SDK2: variants seen among roughly 807,000 people sequenced by gnomAD.
SDK2 encodes protein sidekick-2.
In SDK2, 105 loss-of-function variants were observed where a neutral mutation model predicts 253.9. The observed-to-expected ratio is 0.41, with a 90% confidence interval of 0.35 to 0.49. The LOEUF is 0.49. SDK2 is among the 20% of genes least tolerant of loss of function. The pLI, the probability that SDK2 is intolerant of heterozygous loss-of-function variation, is 0.06. For missense variants in SDK2, 2,608 were observed against 3,003.0 expected (o/e 0.87, Z 3.07); for synonymous variants, 1,249 against 1,234.9 (o/e 1.01, Z -0.24).
intron 33 of SDK2, among the ~76,000 whole-genome samples, chr17:73,381,335 C>G (rs1243813901): frequency 3.3e-5 from 5 of 151,466 alleles, no homozygotes; most frequent in Non-Finnish European, 5.9e-5. Context: ...TCATATGAAC[C>G]AGAAACAATT....
chr17:73,399,128 C>T lies in SDK2; in HGVS notation c.3093+40G>A, dbSNP rs554883042. ...TTTTGCACTCAAGGGCACGGGGTGC[C>T]CTGGCGGGGGCTGCTGGTCAGGCCC... On this transcript the variant is annotated intron_variant, in intron 22 of 44. Coordinates refer to ENST00000392650, the MANE Select transcript of SDK2 (RefSeq NM_001144952.2). The T allele has an allele frequency of 2.5e-6, 4 of 1,607,846 alleles. No individual in the cohort carries two copies. The South Asian group carries it at 3.3e-5, about 13-fold the overall frequency.
chr17:73,604,136 C>T (rs973475946), intron 1 of SDK2, among the ~76,000 whole-genome samples: 2 of 152,192 alleles, frequency 1.3e-5, no homozygotes, highest in East Asian at 1.9e-4. Context: ...ATTTCCAGGG[C>T]GAGGCTAGGA....
intron 18 of SDK2, among the ~76,000 whole-genome samples, chr17:73,408,724 G>C (rs771858061): frequency 1.1e-4 from 17 of 152,120 alleles, no homozygotes; most frequent in Non-Finnish European, 2.1e-4. Flanking sequence ...GAAAGAGAAA[G>C]GGAGAGAGAA....
chr17:73,527,486 C>G (rs1474616215), intron 1 of SDK2, among the ~76,000 whole-genome samples: 1 of 152,114 alleles, frequency 6.6e-6, no homozygotes, highest in Admixed American at 6.6e-5. Context: ...TGGCTCAGAA[C>G]TGGAGGGGGA....
At chr17:73,597,952 T>A (rs959600090) in intron 1 of SDK2, among the ~76,000 whole-genome samples, 1 of 152,204 alleles carries the variant, frequency 6.6e-6, no homozygotes, top group Admixed American at 6.5e-5. Context: ...GCCTATTTCA[T>A]TTTTATGATA....
In SDK2 at chr17:73,395,055, G is replaced by T; in HGVS notation, c.3592+100C>A. 3.3e-6 allele frequency: 3 copies of T among 905,266 alleles called. No individual in the cohort carries two copies. Among genetic ancestry groups the T allele is most frequent in the South Asian group, 1.6e-5 (1 of 60,632 alleles). The allele number at this position is 905,266 out of a possible 1,614,324, so 56.1% of individuals were successfully genotyped here. ...GAGGAAATGAGCTCAGGCTGTTTTTGAACAACACCTTCAGCCTGGCACGCG... is the reference window on the plus strand; with the variant it reads ...GAGGAAATGAGCTCAGGCTGTTTTTTAACAACACCTTCAGCCTGGCACGCG... On this transcript the variant is annotated intron_variant, in intron 25 of 44. Transcript: ENST00000392650. This position sits in a 1 kb window ranked among gnomAD's most constrained non-coding sequence, Gnocchi z 4.3.
chr17:73,395,399 CG>C lies in SDK2; in HGVS notation c.3355-8del. Reference sequence around the variant, plus strand: ...ATTCCATCTCCGGGAGAGGCTGCAGCGGGGCAGGGGTGGCAAAGCTGCTATG... The same window carrying C: ...ATTCCATCTCCGGGAGAGGCTGCAGCGGGCAGGGGTGGCAAAGCTGCTATG... On this transcript the variant is annotated splice_region_variant and splice_polypyrimidine_tract_variant and intron_variant, in intron 24 of 44. Transcript: ENST00000392650. This position sits in a 1 kb window ranked among gnomAD's most constrained non-coding sequence, Gnocchi z 4.3. 3.1e-6 allele frequency: 5 copies of C among 1,611,792 alleles called. No homozygotes were observed. Among genetic ancestry groups the C allele is most frequent in the East Asian group, 2.2e-5 (1 of 44,858 alleles).
intron 1 of SDK2, among the ~76,000 whole-genome samples, chr17:73,599,495 A>C (rs1228983541): frequency 1.3e-5 from 2 of 151,918 alleles, no homozygotes; most frequent in Non-Finnish European, 2.9e-5. Context: ...AGATAGCGGC[A>C]CTGCACTCCA....
intron 2 of SDK2, among the ~76,000 whole-genome samples, chr17:73,487,468 G>A (rs2063776728): frequency 6.6e-6 from 1 of 152,222 alleles, no homozygotes; most frequent in Admixed American, 6.5e-5. Context: ...GGTTCAGCCA[G>A]CAGGCAACTG....
intron 12 of SDK2, among the ~76,000 whole-genome samples, chr17:73,425,494 G>A (rs1182243342): frequency 5.3e-5 from 8 of 152,058 alleles, no homozygotes; most frequent in Admixed American, 4.6e-4. Context: ...GTGATCTTGG[G>A]TGAGCTAATT....
chr17:73,572,698 C>A (rs921065395), intron 1 of SDK2, among the ~76,000 whole-genome samples: 2 of 152,172 alleles, frequency 1.3e-5, no homozygotes, highest in African/African-American at 2.4e-5. Flanking sequence ...GACTGACTGA[C>A]TGAATGAATG....
rs2064194458 is a variant in SDK2, at chr17:73,534,094, C to A, written c.65-26497G>T. 6.6e-6 allele frequency among the ~76,000 whole-genome samples: 1 copy of A among 152,178 alleles called. No homozygotes were observed. Among genetic ancestry groups the A allele is most frequent in the African/African-American group, 2.4e-5 (1 of 41,446 alleles). ...CCCGCCTCCTCCCCTCCTCTTCCTCCTCCTCCTTCCCACTCTCCTTCCAAT... is the reference window on the plus strand; with the variant it reads ...CCCGCCTCCTCCCCTCCTCTTCCTCATCCTCCTTCCCACTCTCCTTCCAAT... On this transcript the variant is annotated intron_variant, in intron 1 of 44. Coordinates refer to ENST00000392650, the MANE Select transcript of SDK2 (RefSeq NM_001144952.2). The surrounding 1 kb of genome is among the most constrained non-coding windows in gnomAD (Gnocchi z 4.9).
chr17:73,440,567 T>C (rs1300365410), intron 6 of SDK2, among the ~76,000 whole-genome samples: 1 of 152,198 alleles, frequency 6.6e-6, no homozygotes, highest in African/African-American at 2.4e-5. Context: ...CGTCCCAGGC[T>C]GACGTCCCCT....
chr17:73,527,266 T>C (rs1015781529), intron 1 of SDK2, among the ~76,000 whole-genome samples: 2 of 152,156 alleles, frequency 1.3e-5, no homozygotes, highest in Admixed American at 1.3e-4. Flanking sequence ...TTGGAGCTCA[T>C]GGAGCTTAGC....
rs770032791 is a variant in SDK2 at position 73,355,174 on chromosome 17, ATTTTT to A, written c.5594-2542_5594-2538del. ...CCTACACCTCCATATATATATATATATTTTTTTTTTTTTTTTTTTTTAGACGGAGT... is the reference window on the plus strand; with the variant it reads ...CCTACACCTCCATATATATATATATATTTTTTTTTTTTTTTTAGACGGAGT... On this transcript the variant is annotated intron_variant, in intron 40 of 44. Transcript: ENST00000392650. 3.4e-3 allele frequency among the ~76,000 whole-genome samples: 161 copies of A among 47,240 alleles called. 7 individuals carry two copies. Among genetic ancestry groups the A allele is most frequent in the Admixed American group, 5.7e-3 (31 of 5,442 alleles). The allele number at this position is 47,240 out of a possible 152,430, so 31.0% of individuals were successfully genotyped here.
At position 73,338,253 on chromosome 17, in the gene SDK2, T is replaced by A; in HGVS notation, c.*334A>T. On this transcript the variant is annotated 3_prime_UTR_variant, in exon 45 of 45. Transcript: ENST00000392650. This position sits in a 1 kb window ranked among gnomAD's most constrained non-coding sequence, Gnocchi z 5.0. Reference sequence around the variant, plus strand: ...ACGCCTGCCTGGCGGCCTCCAGTCCTTAGCCTCCGCTCCCTCTCTCTCTCC... The same window carrying A: ...ACGCCTGCCTGGCGGCCTCCAGTCCATAGCCTCCGCTCCCTCTCTCTCTCC... The A allele has an allele frequency of 2.1e-6, 1 of 466,310 alleles. No homozygotes were observed. The allele number at this position is 466,310 out of a possible 1,614,324, so 28.9% of individuals were successfully genotyped here. A position where few individuals can be genotyped will look rare whatever the true frequency, so the allele number is the denominator to read the frequency against.
Position 73,534,431 on chromosome 17 carries a change from G to T in SDK2, c.65-26834C>A, listed in dbSNP as rs562439344. Among the ~76,000 whole-genome samples the T allele has an allele frequency of 6.6e-6, 1 of 152,282 alleles. No homozygotes were observed. Among genetic ancestry groups the T allele is most frequent in the Non-Finnish European group, 1.5e-5 (1 of 68,040 alleles). ...AGTGCTAAAGAGACGATTGCCGACA[G>T]ATGCCTGACCTCTGAGAGGCCTGGG... On this transcript the variant is annotated intron_variant, in intron 1 of 44. Transcript: ENST00000392650. The surrounding 1 kb of genome is among the most constrained non-coding windows in gnomAD (Gnocchi z 4.9).
At chr17:73,384,097 A>G in intron 32 of SDK2, 86 bp from the exon 33 acceptor site, 1 of 1,430,204 alleles carries the variant, frequency 7.0e-7, no homozygotes, top group Non-Finnish European at 9.6e-7. Context: ...TCCTGCAGCC[A>G]CAGAGCAGGG....
rs11443969 is a variant in SDK2, at chr17:73,393,242, C to CAAAAA, written c.3898+313_3898+317dup. Among the ~76,000 whole-genome samples the CAAAAA allele has an allele frequency of 8.5e-4, 72 of 84,926 alleles. 1 individual carries two copies. Among genetic ancestry groups the CAAAAA allele is most frequent in the Middle Eastern group, 0.012 (1 of 84 alleles). The allele number at this position is 84,926 out of a possible 152,430, so 55.7% of individuals were successfully genotyped here. On this transcript the variant is annotated intron_variant, in intron 27 of 44. Coordinates refer to ENST00000392650, the MANE Select transcript of SDK2 (RefSeq NM_001144952.2). ...CCTGGGTGACAGAGTGATACTCTATCAAAAAAAAAAAAAAAAAAAAAAGAA... is the reference window on the plus strand; with the variant it reads ...CCTGGGTGACAGAGTGATACTCTATCAAAAAAAAAAAAAAAAAAAAAAAAAAAGAA...
Sources: allele counts gnomAD v4.1 joint callset (sites outside exome capture counted in the v4.1 genomes callset), GRCh38; gene constraint gnomAD v4.1.1; non-coding constraint Gnocchi (gnomAD v3.1); transcripts MANE v1.5; gene names NCBI Gene and HGNC (gene_info 2026-07-23, HGNC 2026-07-21).